NAA15: variants seen among roughly 807,000 people sequenced by gnomAD.
NAA15 encodes N-terminal acetyltransferase.
Under a neutral mutation model 114.0 loss-of-function variants are expected in NAA15, and 34 were observed. The observed-to-expected ratio is 0.30, with a 90% confidence interval of 0.23 to 0.40. The LOEUF is 0.40. Ranked by LOEUF, NAA15 falls within the 10% of genes least tolerant of loss-of-function variation. NAA15 has a pLI of 1.00. For missense variants in NAA15, 658 were observed against 1,004.5 expected (o/e 0.66, Z 4.66); for synonymous variants, 340 against 338.0 (o/e 1.01, Z -0.06).
chr4:139,334,247 C>G lies in NAA15; in HGVS notation c.128C>G (p.Ala43Gly). ...CAAATACTTTCTAATCCCAAATTTGCAGAGCATGGAGGTAAGTGCAAGTAG... is the reference window on the plus strand; with the variant it reads ...CAAATACTTTCTAATCCCAAATTTGGAGAGCATGGAGGTAAGTGCAAGTAG... ...CKQILSNPKF[A>G]EHGETLAMKG... Residue 43 changes from alanine (A) to glycine (G), a missense_variant, in exon 2 of 20, where the codon GCA (alanine) becomes GGA (glycine). Physicochemically the swap from Ala to Gly is moderately conservative, Grantham distance 60. Coordinates refer to ENST00000296543, the MANE Select transcript of NAA15 (RefSeq NM_057175.5). 6.3e-7 allele frequency: 1 copy of G among 1,599,382 alleles called. No homozygotes were observed. The highest frequency in any genetic ancestry group is 8.5e-7 in the Non-Finnish European group (1 of 1,173,428).
rs115126122 is a variant in NAA15 at position 139,315,448 on chromosome 4, G to A, written c.54+13617G>A. Among the ~76,000 whole-genome samples, 363 of 151,930 alleles carry A rather than the reference G, an allele frequency of 2.4e-3. 4 individuals are homozygous for A. Among genetic ancestry groups the A allele is most frequent in the African/African-American group, 8.6e-3 (355 of 41,398 alleles). On this transcript the variant is annotated intron_variant, in intron 1 of 19. Coordinates refer to ENST00000296543, the MANE Select transcript of NAA15 (RefSeq NM_057175.5). Reference sequence around the variant, plus strand: ...GTGGGGGATTGCTTGAGCGTGGCAGGTCCAGGCTTCAGTGAGCAGTGTTCA... The same window carrying A: ...GTGGGGGATTGCTTGAGCGTGGCAGATCCAGGCTTCAGTGAGCAGTGTTCA...
chr4:139,352,427 A>G (rs976770639), intron 9 of NAA15, among the ~76,000 whole-genome samples: 3 of 151,476 alleles, frequency 2.0e-5, no homozygotes, highest in African/African-American at 7.3e-5. Flanking sequence ...TTTAATTTTA[A>G]TTTTTAGATT....
At chr4:139,382,348 T>C (rs981555397) in intron 17 of NAA15, among the ~76,000 whole-genome samples, 1 of 152,150 alleles carries the variant, frequency 6.6e-6, no homozygotes, top group Non-Finnish European at 1.5e-5. Flanking sequence ...GTGAAGTTAT[T>C]TGCTTCAGTT....
chr4:139,341,593 CAAAAAAAAAA>C (rs751688160), intron 4 of NAA15, among the ~76,000 whole-genome samples: 3 of 14,434 alleles, frequency 2.1e-4, no homozygotes, highest in Admixed American at 1.6e-3. Flanking sequence ...AACTCTGTCT[CAAAAAAAAAA>C]AAAAAAAAAA....
chr4:139,384,477 CTCAA>C (rs570090533), intron 17 of NAA15, among the ~76,000 whole-genome samples: 5 of 152,066 alleles, frequency 3.3e-5, no homozygotes, highest in African/African-American at 4.8e-5. Context: ...CCTTGTCTGT[CTCAA>C]TCAGTCAGTC....
chr4:139,376,340 G>A (rs369539549), intron 15 of NAA15, 25 bp from the exon 16 acceptor site: 1 of 1,381,182 alleles, frequency 7.2e-7, no homozygotes, highest in South Asian at 1.2e-5. Flanking sequence ...AGTTTCATTT[G>A]TATAATATCT....
At position 139,360,631 on chromosome 4, in the gene NAA15, A is replaced by G; in HGVS notation, c.1539+3A>G. The stretch of plus-strand genomic sequence containing the variant: ...AGAAATGTCATGAGATTGAGAGAGT[A>G]AGTACCTTCTACATAAAAGTTTTCT... On this transcript the variant is annotated splice_donor_region_variant and intron_variant, in intron 13 of 19. Transcript: ENST00000296543. The G allele has an allele frequency of 6.3e-7, 1 of 1,591,482 alleles. No individual in the cohort carries two copies. Among genetic ancestry groups the G allele is most frequent in the East Asian group, 2.3e-5 (1 of 43,894 alleles).
chr4:139,374,747 C>T (rs1748535901), intron 15 of NAA15, among the ~76,000 whole-genome samples: 2 of 151,916 alleles, frequency 1.3e-5, no homozygotes, highest in Non-Finnish European at 2.9e-5. Flanking sequence ...CTTAGATTTA[C>T]CCTGACAAAG....
At chr4:139,314,984 CG>C (rs1303429196) in intron 1 of NAA15, among the ~76,000 whole-genome samples, 28,755 of 84,186 alleles carry the variant, frequency 0.34, 5,073 homozygotes, top group African/African-American at 0.5. Flanking sequence ...CCTAGAGAAG[CG>C]TTCAGTTCAG....
intron 17 of NAA15, among the ~76,000 whole-genome samples, chr4:139,383,981 C>A (rs550597621): frequency 6.6e-6 from 1 of 152,324 alleles, no homozygotes; most frequent in African/African-American, 2.4e-5. Context: ...GGCTGTGATA[C>A]TATTTACCAG....
At chr4:139,362,939 C>T (rs1318008393) in intron 14 of NAA15, among the ~76,000 whole-genome samples, 1 of 152,030 alleles carries the variant, frequency 6.6e-6, no homozygotes, top group East Asian at 1.9e-4. Context: ...TGATTGGCTA[C>T]TTTCTATATC....
At chr4:139,353,498 G>A (rs950688855) in intron 9 of NAA15, among the ~76,000 whole-genome samples, 1 of 152,156 alleles carries the variant, frequency 6.6e-6, no homozygotes, top group East Asian at 1.9e-4. Context: ...AGCCAGGAGC[G>A]AGTAGTATAG....
intron 9 of NAA15, 60 bp from the exon 10 acceptor site, chr4:139,353,966 C>T: frequency 7.6e-7 from 1 of 1,322,358 alleles, no homozygotes; most frequent in Middle Eastern, 1.9e-4. Context: ...ACACATTTTG[C>T]ATAAGAATAG....
At chr4:139,385,929 T>C (rs910149285) in intron 18 of NAA15, among the ~76,000 whole-genome samples, 10 of 152,234 alleles carry the variant, frequency 6.6e-5, no homozygotes, top group Non-Finnish European at 1.3e-4. Context: ...ATACCTCTAT[T>C]GTTCTCTTTC....
Position 139,370,100 on chromosome 4 carries a change from C to T in NAA15, c.1754-111C>T, listed in dbSNP as rs966664843. On this transcript the variant is annotated intron_variant, in intron 14 of 19. Coordinates refer to ENST00000296543, the MANE Select transcript of NAA15 (RefSeq NM_057175.5). ...GATTATAGGCATGAGACGCCATGCC[C>T]AGCCTCATGCAATATTTTTTAATGG... is the stretch of plus-strand genomic sequence containing the variant. 4.4e-6 allele frequency: 4 copies of T among 905,304 alleles called. No homozygotes were observed. The African/African-American group carries it at 6.9e-5, about 16-fold the overall frequency. 56.1% of individuals were successfully genotyped at this position (905,304 alleles called of 1,614,324 possible).
At position 139,342,861 on chromosome 4, in the gene NAA15, G is replaced by A. The variant is rs775417023; in HGVS notation, c.438G>A (p.Ala146=). ...TRYQLLQLRP[A]QRASWIGYAI... is the part of the protein sequence containing the mutation. ...ATCAGTTACTTCAGCTTCGACCTGC[G>A]CAGAGAGCATCATGGATTGGTTATG... The change falls in exon 5 of 20, where the codon GCG becomes GCA. Residue 146 remains alanine (A), a synonymous_variant. Coordinates refer to ENST00000296543, the MANE Select transcript of NAA15 (RefSeq NM_057175.5). The A allele has an allele frequency of 5.0e-6, 8 of 1,613,700 alleles. No homozygotes were observed. The highest frequency in any genetic ancestry group is 2.2e-5 in the South Asian group (2 of 91,044).
chr4:139,347,719 T>C (rs1251475326), intron 6 of NAA15, among the ~76,000 whole-genome samples: 1 of 152,102 alleles, frequency 6.6e-6, no homozygotes, highest in Non-Finnish European at 1.5e-5. Context: ...TCCATCACTA[T>C]CTGCAAGACT....
At chr4:139,366,828 C>T (rs1376818641) in intron 14 of NAA15, among the ~76,000 whole-genome samples, 1 of 152,160 alleles carries the variant, frequency 6.6e-6, no homozygotes, top group African/African-American at 2.4e-5. Context: ...AGGCTGTTCT[C>T]AAAGTCCTGA....
chr4:139,341,593 CAAAAAAAAAAAAAAA>C (rs751688160), intron 4 of NAA15, among the ~76,000 whole-genome samples: 5 of 14,434 alleles, frequency 3.5e-4, no homozygotes, highest in African/African-American at 5.1e-4. Flanking sequence ...AACTCTGTCT[CAAAAAAAAAAAAAAA>C]AAAAAAAAAA....
Sources: allele counts gnomAD v4.1 joint callset (sites outside exome capture counted in the v4.1 genomes callset), GRCh38; gene constraint gnomAD v4.1.1; transcripts MANE v1.5; gene names NCBI Gene and HGNC (gene_info 2026-07-23, HGNC 2026-07-21).